Variants in KCNT2 observed in about 807,000 individuals in gnomAD.
KCNT2 encodes potassium sodium-activated channel subfamily T member 2.
KCNT2 carries 67 observed loss-of-function variants against 153.8 expected under a neutral mutation model. That is an observed-to-expected ratio of 0.44 (90% CI 0.36 to 0.53). KCNT2 has a LOEUF of 0.53. Ranked by LOEUF, KCNT2 falls within the 20% of genes least tolerant of loss-of-function variation. The pLI, the probability that KCNT2 is intolerant of heterozygous loss-of-function variation, is 0.00. For synonymous variants in KCNT2, 500 were observed against 458.8 expected (o/e 1.09, Z -1.15); for missense variants, 975 against 1,354.8 (o/e 0.72, Z 4.40).
Position 196,519,616 on chromosome 1 carries a change from C to A in KCNT2, c.96-27275G>T, listed in dbSNP as rs564497162. Among the ~76,000 whole-genome samples, 168 of 151,914 alleles carry A rather than the reference C, an allele frequency of 1.1e-3. 3 individuals are homozygous for A. Among genetic ancestry groups the A allele is most frequent in the Non-Finnish European group, 9.1e-4 (62 of 67,948 alleles). ...TCAGAAACAACAAAGGAGATATTAC[C>A]ACTGTCCCCACAGAAATACAAATAA... On this transcript the variant is annotated intron_variant, in intron 1 of 27. Coordinates refer to ENST00000294725, the MANE Select transcript of KCNT2 (RefSeq NM_198503.5).
intron 8 of KCNT2, among the ~76,000 whole-genome samples, chr1:196,444,713 T>A (rs1403302619): frequency 6.6e-6 from 1 of 151,354 alleles, no homozygotes; most frequent in African/African-American, 2.4e-5. Flanking sequence ...AACACTAAGA[T>A]ATTTGCATTA....
intron 12 of KCNT2, among the ~76,000 whole-genome samples, chr1:196,420,572 G>C (rs1235506274): frequency 6.6e-6 from 1 of 151,806 alleles, no homozygotes; most frequent in Non-Finnish European, 1.5e-5. Context: ...GGGAACACCA[G>C]GTTTCATATC....
chr1:196,565,429 G>A (rs545204787), intron 1 of KCNT2, among the ~76,000 whole-genome samples: 1 of 151,742 alleles, frequency 6.6e-6, no homozygotes, highest in East Asian at 1.9e-4. Context: ...TCATCCCATT[G>A]CTGGGTATAC....
chr1:196,377,620 G>A (rs1669083891), intron 13 of KCNT2, among the ~76,000 whole-genome samples: 1 of 151,960 alleles, frequency 6.6e-6, no homozygotes, highest in Non-Finnish European at 1.5e-5. Flanking sequence ...AATACATAGA[G>A]AGCTGATCTG....
chr1:196,340,050 T>TCCAAG (rs1665466817), intron 16 of KCNT2, among the ~76,000 whole-genome samples: 1 of 152,016 alleles, frequency 6.6e-6, no homozygotes, highest in Admixed American at 6.6e-5. Context: ...AGAGTCTTTT[T>TCCAAG]CTGTTGCCCA....
At chr1:196,501,841 G>C (rs1291034660) in intron 1 of KCNT2, among the ~76,000 whole-genome samples, 1 of 152,152 alleles carries the variant, frequency 6.6e-6, no homozygotes, top group Non-Finnish European at 1.5e-5. Context: ...GTTTTGGGCC[G>C]GGAGCGATGG....
chr1:196,597,906 T>C (rs567130826), intron 1 of KCNT2, among the ~76,000 whole-genome samples: 49 of 152,192 alleles, frequency 3.2e-4, no homozygotes, highest in East Asian at 2.3e-3. Flanking sequence ...CTTTATGATA[T>C]GTAAATTTCA....
At chr1:196,475,542 T>C (rs934617974) in intron 5 of KCNT2, among the ~76,000 whole-genome samples, 1 of 151,078 alleles carries the variant, frequency 6.6e-6, no homozygotes, top group East Asian at 1.9e-4. Context: ...GATCTATACC[T>C]CCTAGGAGGT....
chr1:196,471,732 T>C (rs1403854541), intron 5 of KCNT2, among the ~76,000 whole-genome samples: 1 of 152,184 alleles, frequency 6.6e-6, no homozygotes, highest in African/African-American at 2.4e-5. Flanking sequence ...CTTATGTCTC[T>C]CTTCTCTTCA....
intron 2 of KCNT2, among the ~76,000 whole-genome samples, chr1:196,492,008 C>A (rs1679894847): frequency 6.6e-6 from 1 of 151,980 alleles, no homozygotes; most frequent in Admixed American, 6.6e-5. Context: ...ACTCAGAAGT[C>A]TACTTATTAA....
chr1:196,407,947 G>A (rs1175642779), intron 12 of KCNT2, among the ~76,000 whole-genome samples: 1 of 151,192 alleles, frequency 6.6e-6, no homozygotes, highest in Non-Finnish European at 1.5e-5. Flanking sequence ...CATTAGACAG[G>A]TTTCCTCCTG....
chr1:196,336,202 C>A (rs548001787), intron 16 of KCNT2, among the ~76,000 whole-genome samples: 3 of 152,166 alleles, frequency 2.0e-5, no homozygotes, highest in African/African-American at 7.2e-5. Context: ...AGACTCAACT[C>A]CTTGTCCTCT....
intron 1 of KCNT2, among the ~76,000 whole-genome samples, chr1:196,503,204 C>T (rs543479349): frequency 2.0e-5 from 3 of 151,896 alleles, no homozygotes; most frequent in Non-Finnish European, 2.9e-5. Flanking sequence ...ATTATTTCCA[C>T]GTTTTTCTTC....
chr1:196,579,180 T>A (rs1256359136), intron 1 of KCNT2, among the ~76,000 whole-genome samples: 1 of 152,034 alleles, frequency 6.6e-6, no homozygotes, highest in Non-Finnish European at 1.5e-5. Flanking sequence ...TTTTCCTTTT[T>A]CCCCCATTTT....
intron 10 of KCNT2, among the ~76,000 whole-genome samples, 175 bp from the exon 11 acceptor site, chr1:196,426,163 T>C (rs895977933): frequency 6.6e-6 from 1 of 152,050 alleles, no homozygotes; most frequent in African/African-American, 2.4e-5. Flanking sequence ...TACACTATAA[T>C]AAATACAACT....
chr1:196,269,328 G>A (rs1471821549), intron 25 of KCNT2, among the ~76,000 whole-genome samples: 2 of 152,062 alleles, frequency 1.3e-5, no homozygotes, highest in South Asian at 2.1e-4. Flanking sequence ...TGGCCCAATG[G>A]TCTGGTTTCA....
intron 1 of KCNT2, among the ~76,000 whole-genome samples, chr1:196,591,234 TCTTGCTCC>T (rs1159467141): frequency 6.6e-6 from 1 of 152,096 alleles, no homozygotes; most frequent in Non-Finnish European, 1.5e-5. Flanking sequence ...CTCCTTTCTC[TCTTGCTCC>T]CTCTCTTGCC....
intron 26 of KCNT2, among the ~76,000 whole-genome samples, chr1:196,251,577 G>A (rs1369359471): frequency 6.6e-6 from 1 of 151,984 alleles, no homozygotes; most frequent in Non-Finnish European, 1.5e-5. Flanking sequence ...TGGAGACAGA[G>A]AGTAAAATGA....
chr1:196,555,145 C>T (rs1005155383), intron 1 of KCNT2, among the ~76,000 whole-genome samples: 3 of 151,152 alleles, frequency 2.0e-5, no homozygotes, highest in Non-Finnish European at 4.4e-5. Flanking sequence ...CTACAGCAAT[C>T]AGAAAGGAGA....
Sources: allele counts gnomAD v4.1 joint callset (sites outside exome capture counted in the v4.1 genomes callset), GRCh38; gene constraint gnomAD v4.1.1; transcripts MANE v1.5; gene names NCBI Gene and HGNC (gene_info 2026-07-23, HGNC 2026-07-21).